DHRS9: variants seen among roughly 807,000 people sequenced by gnomAD.
The protein encoded by DHRS9 is dehydrogenase/reductase SDR family member 9.
DHRS9 carries 18 observed loss-of-function variants against 26.6 expected under a neutral mutation model. The ratio of observed to expected loss-of-function variants is 0.68; its 90% confidence interval spans 0.47 to 1.00. The LOEUF (loss-of-function observed/expected upper bound fraction) is 1.00, where lower values mean the gene tolerates loss of function less well. Among genes scored for constraint, DHRS9 ranks in the 50% least tolerant of loss-of-function variants. The pLI, the probability that DHRS9 is intolerant of heterozygous loss-of-function variation, is 0.00. For synonymous variants in DHRS9, 134 were observed against 141.1 expected, an observed-to-expected ratio of 0.95 and a Z score of 0.36; for missense variants, 425 against 378.7, an observed-to-expected ratio of 1.12 and a Z score of -1.01.
chr2:169,069,666 C>A lies in DHRS9; in HGVS notation c.-111C>A. ...CCGTGCACAGCAGGAAAGCTGCCAT[C>A]AGCTGAGCAAGTCCACCAACAGTTT... On this transcript the variant is annotated 5_prime_UTR_variant, in exon 1 of 5. Coordinates refer to ENST00000674881, the MANE Select transcript of DHRS9 (RefSeq NM_001376924.1). The A allele has an allele frequency of 1.0e-6, 1 of 985,506 alleles. No homozygotes were observed. Among genetic ancestry groups the A allele is most frequent in the Non-Finnish European group, 1.2e-6 (1 of 829,952 alleles). 61.0% of individuals were successfully genotyped at this position (985,506 alleles called of 1,614,324 possible).
intron 4 of DHRS9, among the ~76,000 whole-genome samples, chr2:169,092,857 C>T (rs1232061186): frequency 6.6e-6 from 1 of 152,028 alleles, no homozygotes; most frequent in Non-Finnish European, 1.5e-5. Context: ...ATTTAAAATC[C>T]CCCAAAAAAC....
chr2:169,084,040 A>G lies in DHRS9; in HGVS notation c.572+453A>G, dbSNP rs926550090. 4.0e-5 allele frequency among the ~76,000 whole-genome samples: 6 copies of G among 151,696 alleles called. No individual in the cohort carries two copies. In the South Asian group the frequency reaches 6.2e-4, roughly 16 times the overall value. On this transcript the variant is annotated intron_variant, in intron 3 of 4. Transcript: ENST00000674881. Reference sequence around the variant, plus strand: ...AACTATCTCTCTACTTTCTGTCTCCATGAGTTTGTTTTAATTTTTAGCTCT... The same window carrying G: ...AACTATCTCTCTACTTTCTGTCTCCGTGAGTTTGTTTTAATTTTTAGCTCT...
At chr2:169,074,311 G>A in intron 1 of DHRS9, 1 of 985,474 alleles carries the variant, frequency 1.0e-6, no homozygotes, top group Non-Finnish European at 1.2e-6. Context: ...TGATGATAGT[G>A]AAACTGGGAT....
At chr2:169,078,923 ACGATTCTCCTGCC>A (rs1488246802) in intron 1 of DHRS9, among the ~76,000 whole-genome samples, 8 of 141,254 alleles carry the variant, frequency 5.7e-5, no homozygotes, top group African/African-American at 1.6e-4. Flanking sequence ...TTCTGGGTTC[ACGATTCTCCTGCC>A]TGATTCTCCT....
At chr2:169,089,604 C>G (rs1459961244) in intron 3 of DHRS9, among the ~76,000 whole-genome samples, 1 of 152,112 alleles carries the variant, frequency 6.6e-6, no homozygotes, top group Non-Finnish European at 1.5e-5. Context: ...TGATTTATAC[C>G]ATGGACCTAG....
chr2:169,072,516 CAG>C (rs1558948966), intron 1 of DHRS9: 1 of 649,900 alleles, frequency 1.5e-6, no homozygotes, highest in Non-Finnish European at 1.9e-6. Context: ...TTTTAAGAAA[CAG>C]AGGAAGGTGA....
chr2:169,094,957 A>C (rs1456487917), intron 4 of DHRS9, among the ~76,000 whole-genome samples: 1 of 151,994 alleles, frequency 6.6e-6, no homozygotes, highest in Non-Finnish European at 1.5e-5. Flanking sequence ...TTTGGGGATG[A>C]TTCTCTCTTT....
chr2:169,091,794 G>A lies in DHRS9; in HGVS notation c.577G>A (p.Asp193Asn), dbSNP rs1191624812. 1.2e-6 allele frequency: 2 copies of A among 1,608,350 alleles called. No homozygotes were observed. Among genetic ancestry groups the A allele is most frequent in the South Asian group, 1.1e-5 (1 of 90,518 alleles). The change falls in exon 4 of 5, where the codon GAC (aspartate) becomes AAC (asparagine). Residue 193 changes from aspartate (D) to asparagine (N), a missense_variant. Coordinates refer to ENST00000674881, the MANE Select transcript of DHRS9 (RefSeq NM_001376924.1). ...TTCAATGGGTTCTTTTCACAGACGG[G>A]ACATGAAAGCTTTTGGTGTGCACGT... Reference protein sequence around the residue: ...VEGFNDSLRRDMKAFGVHVSC... With the variant: ...VEGFNDSLRRNMKAFGVHVSC...
intron 3 of DHRS9, among the ~76,000 whole-genome samples, chr2:169,088,003 C>T (rs1684406000): frequency 6.6e-6 from 1 of 152,196 alleles, no homozygotes. Flanking sequence ...AAGCTGGCAT[C>T]TTACTAGGTT....
chr2:169,070,215 G>GA (rs567677601), intron 1 of DHRS9: 6 of 985,082 alleles, frequency 6.1e-6, no homozygotes, highest in African/African-American at 1.8e-5. Flanking sequence ...AAACTGAGGG[G>GA]AAAAAATGCC....
chr2:169,074,506 C>T (rs1683902732), intron 1 of DHRS9: 2 of 950,772 alleles, frequency 2.1e-6, no homozygotes, highest in Non-Finnish European at 2.5e-6. Context: ...GACCAAGGGG[C>T]CGTGCAGAGG....
At chr2:169,092,721 C>A (rs545302574) in intron 4 of DHRS9, among the ~76,000 whole-genome samples, 1 of 152,206 alleles carries the variant, frequency 6.6e-6, no homozygotes, top group Non-Finnish European at 1.5e-5. Flanking sequence ...ACACCAGGAG[C>A]CTTCCTGGTC....
rs1444517232 is a variant in DHRS9, at chr2:169,091,871, G to A, written c.654G>A (p.Lys218=). Residue 218 remains lysine (K), a synonymous_variant, in exon 4 of 5, where the codon AAG becomes AAA. Coordinates refer to ENST00000674881, the MANE Select transcript of DHRS9 (RefSeq NM_001376924.1). ...LFKTNLADPV[K]VIEKKLAIWE... ...AAACAAACTTGGCAGATCCAGTAAA[G>A]GTAATTGAAAAAAAACTCGCCATTT... 3.7e-6 allele frequency: 6 copies of A among 1,613,798 alleles called. No individual in the cohort carries two copies. In the East Asian group the frequency reaches 8.9e-5, roughly 24 times the overall value.
At chr2:169,082,496 A>C (rs1217946832) in intron 2 of DHRS9, among the ~76,000 whole-genome samples, 1 of 152,190 alleles carries the variant, frequency 6.6e-6, no homozygotes, top group Non-Finnish European at 1.5e-5. Flanking sequence ...TCATGGATTA[A>C]GATGTTAGGA....
At chr2:169,084,279 T>C (rs114536359) in intron 3 of DHRS9, among the ~76,000 whole-genome samples, 2,557 of 152,344 alleles carry the variant, frequency 0.017, 76 homozygotes, top group African/African-American at 0.058. Context: ...TTAGCTGTTG[T>C]GAACAGTGCT....
upstream of DHRS9, among the ~76,000 whole-genome samples, chr2:169,068,351 G>A (rs548563185): frequency 1.5e-4 from 23 of 152,226 alleles, no homozygotes; most frequent in Middle Eastern, 3.4e-3. Flanking sequence ...GTTTTGAGAC[G>A]GAGTCTCACG....
Position 169,096,065 on chromosome 2 carries a change from T to A in DHRS9, c.*298T>A. ...AAAGACTTGCCCATTCAAAATGATC[T>A]TTACCGTGGCCTGCCCCATGCTTAT... On this transcript the variant is annotated 3_prime_UTR_variant, in exon 5 of 5. Transcript: ENST00000674881. 5.0e-6 allele frequency: 2 copies of A among 401,748 alleles called. No individual in the cohort carries two copies. Among genetic ancestry groups the A allele is most frequent in the East Asian group, 4.9e-5 (1 of 20,492 alleles). The allele number at this position is 401,748 out of a possible 1,614,324, so 24.9% of individuals were successfully genotyped here. A position where few individuals can be genotyped will look rare whatever the true frequency, so the allele number is the denominator to read the frequency against.
intron 4 of DHRS9, among the ~76,000 whole-genome samples, chr2:169,092,224 G>A (rs1684552193): frequency 6.6e-6 from 1 of 152,152 alleles, no homozygotes; most frequent in South Asian, 2.1e-4. Context: ...ATGAGCAGAG[G>A]CTTGAGAAAG....
chr2:169,073,655 C>T (rs2105279951), intron 1 of DHRS9, among the ~76,000 whole-genome samples: 1 of 152,240 alleles, frequency 6.6e-6, no homozygotes, highest in East Asian at 1.9e-4. Context: ...CCATATCAGC[C>T]TCTTATCCTC....
Sources: gnomAD v4.1 joint callset for allele counts (sites outside exome capture counted in the v4.1 genomes callset) on GRCh38, gnomAD v4.1.1 for gene constraint, MANE v1.5 for transcripts, NCBI Gene and HGNC (gene_info 2026-07-23, HGNC 2026-07-21) for gene names.